The following TRAK1 variants were observed in gnomAD, a reference collection of about 807,000 sequenced individuals.
TRAK1 encodes the protein trafficking kinesin protein 1.
A neutral mutation model predicts 92.1 loss-of-function variants in TRAK1; 33 were observed. The observed-to-expected ratio is 0.36, with a 90% CI of 0.27 to 0.48. The LOEUF (loss-of-function observed/expected upper bound fraction) is 0.48, where lower values mean the gene tolerates loss of function less well. TRAK1 is among the 20% of genes least tolerant of loss of function. The pLI is 0.99. For synonymous variants in TRAK1, 521 were observed against 517.3 expected (o/e 1.01, Z -0.10); for missense variants, 1,123 against 1,257.9 (o/e 0.89, Z 1.62).
chr3:42,060,017 A>G (rs1351687877), intron 1 of TRAK1, among the ~76,000 whole-genome samples: 2 of 152,264 alleles, frequency 1.3e-5, no homozygotes, highest in East Asian at 1.9e-4. Flanking sequence ...TTCCCCCTGC[A>G]TAAGAAATGT....
chr3:42,160,443 C>T (rs1259118224), intron 2 of TRAK1: 3 of 1,614,182 alleles, frequency 1.9e-6, no homozygotes, highest in Non-Finnish European at 2.5e-6. Context: ...AACCCACAGG[C>T]AGCATGACAC....
chr3:42,122,084 C>T (rs1289893984), intron 1 of TRAK1, among the ~76,000 whole-genome samples: 1 of 152,156 alleles, frequency 6.6e-6, no homozygotes, highest in Non-Finnish European at 1.5e-5. Context: ...TCCCAAAGTG[C>T]TGGGATTACA....
At chr3:42,014,777 C>A (rs1480989778) in intron 1 of TRAK1, among the ~76,000 whole-genome samples, 1 of 151,436 alleles carries the variant, frequency 6.6e-6, no homozygotes, top group East Asian at 2.0e-4. Flanking sequence ...GCTTTGAGAG[C>A]CTTCAGAGTA....
chr3:42,159,208 A>T (rs1175586132), intron 2 of TRAK1, among the ~76,000 whole-genome samples: 1 of 152,084 alleles, frequency 6.6e-6, no homozygotes, highest in African/African-American at 2.4e-5. Flanking sequence ...TGTGTAGAAA[A>T]TTGTTTTATG....
chr3:42,170,211 G>A (rs1270644491), intron 2 of TRAK1, among the ~76,000 whole-genome samples: 2 of 152,190 alleles, frequency 1.3e-5, no homozygotes, highest in Non-Finnish European at 1.5e-5. Flanking sequence ...GACTAATTAA[G>A]TTCAAAAGCT....
At chr3:42,050,504 GC>G (rs1702936879) in intron 1 of TRAK1, among the ~76,000 whole-genome samples, 1 of 152,040 alleles carries the variant, frequency 6.6e-6, no homozygotes, top group African/African-American at 2.4e-5. Flanking sequence ...AGAGTTCATC[GC>G]TTTTCCTTGG....
At chr3:42,063,589 G>A (rs112138016) in intron 1 of TRAK1, among the ~76,000 whole-genome samples, 4,145 of 152,160 alleles carry the variant, frequency 0.027, 221 homozygotes, top group African/African-American at 0.095. Flanking sequence ...GGGAGGCTGA[G>A]GTGGGATGAT....
intron 1 of TRAK1, among the ~76,000 whole-genome samples, chr3:42,054,983 C>T (rs567483381): frequency 1.5e-5 from 2 of 129,282 alleles, no homozygotes; most frequent in African/African-American, 6.0e-5. Flanking sequence ...TACAGTGGCG[C>T]GATCTGGCTT....
At chr3:42,027,537 TA>T (rs909314472) in intron 1 of TRAK1, among the ~76,000 whole-genome samples, 1 of 150,630 alleles carries the variant, frequency 6.6e-6, no homozygotes, top group Non-Finnish European at 1.5e-5. Flanking sequence ...AAAAAAAAAG[TA>T]AAGCTTTTCT....
chr3:42,180,373 C>T (rs192232305), intron 3 of TRAK1, among the ~76,000 whole-genome samples: 1 of 152,216 alleles, frequency 6.6e-6, no homozygotes, highest in African/African-American at 2.4e-5. Context: ...TGGCTCACAC[C>T]TGTAATCCAG....
chr3:42,028,079 G>A (rs934848618), intron 1 of TRAK1, among the ~76,000 whole-genome samples: 1 of 152,104 alleles, frequency 6.6e-6, no homozygotes, highest in African/African-American at 2.4e-5. Context: ...TCAAACTCCC[G>A]ACCTCAGGTG....
At chr3:42,043,763 CCCACCCCACCCCCCCG>C (rs1702648054) in intron 1 of TRAK1, among the ~76,000 whole-genome samples, 1 of 142,138 alleles carries the variant, frequency 7.0e-6, no homozygotes, top group Non-Finnish European at 1.5e-5. Context: ...GATGACAGGA[CCCACCCCACCCCCCCG>C]CCACCCCAAC....
At position 42,097,094 on chromosome 3, in the gene TRAK1, A is replaced by C. The variant is rs553312805; in HGVS notation, c.91+5534A>C. On this transcript the variant is annotated intron_variant, in intron 1 of 15. Coordinates refer to ENST00000327628, the MANE Select transcript of TRAK1 (RefSeq NM_001042646.3). The stretch of plus-strand genomic sequence containing the variant: ...ACACACGGGAACATATACTAAACAT[A>C]TTGTTGCCTTTTCTCCTCAGTAATC... Among the ~76,000 whole-genome samples, 29 of 152,276 alleles carry C rather than the reference A, an allele frequency of 1.9e-4. No individual in the cohort carries two copies. In the East Asian group the frequency reaches 5.4e-3, roughly 28 times the overall value.
intron 2 of TRAK1, chr3:42,151,302 C>G (rs1435612369): frequency 2.2e-6 from 1 of 455,926 alleles, no homozygotes. Context: ...CTGCTCTTAT[C>G]TGGGTATCCA....
rs1242624412 is a variant in TRAK1, at chr3:42,013,819, G to C, written c.-817G>C. On this transcript the variant is annotated 5_prime_UTR_variant, in exon 1 of 17. Transcript: ENST00000487159. This position sits in a 1 kb window ranked among gnomAD's most constrained non-coding sequence, Gnocchi z 5.1. ...CGTCCCCCAGAGTGGGGCCGCGCGCGGGAGAGCCGGAGCGCAGCCTTAGCG... is the reference window on the plus strand; with the variant it reads ...CGTCCCCCAGAGTGGGGCCGCGCGCCGGAGAGCCGGAGCGCAGCCTTAGCG... The C allele has an allele frequency of 6.7e-6, 1 of 150,318 alleles. No individual in the cohort carries two copies. Among genetic ancestry groups the C allele is most frequent in the Non-Finnish European group, 1.5e-5 (1 of 67,088 alleles). The allele number at this position is 150,318 out of a possible 1,614,324, so 9.3% of individuals were successfully genotyped here. A position where few individuals can be genotyped will look rare whatever the true frequency, so the allele number is the denominator to read the frequency against.
chr3:42,218,204 G>A (rs1485592022), intron 14 of TRAK1: 14 of 985,144 alleles, frequency 1.4e-5, no homozygotes, highest in Non-Finnish European at 1.6e-5. Flanking sequence ...TTGTGTCATC[G>A]GGTTCCTGGT....
chr3:42,193,050 C>T, intron 7 of TRAK1, 25 bp from the exon 8 acceptor site: 2 of 1,612,548 alleles, frequency 1.2e-6, no homozygotes, highest in Non-Finnish European at 1.7e-6. Context: ...GACTTCCTCT[C>T]CTGATTGTTG....
At chr3:42,211,084 T>G (rs1708976597) in intron 14 of TRAK1, 1 of 985,354 alleles carries the variant, frequency 1.0e-6, no homozygotes, top group South Asian at 4.7e-5. Flanking sequence ...AACCCTGTGT[T>G]GTCATCCTCA....
At chr3:42,126,600 T>TA (rs1188298380) in intron 2 of TRAK1, among the ~76,000 whole-genome samples, 2 of 152,216 alleles carry the variant, frequency 1.3e-5, no homozygotes, top group Non-Finnish European at 2.9e-5. Flanking sequence ...TTTAAAAACT[T>TA]ATGGCAGCCA....
Sources: allele counts gnomAD v4.1 joint callset (sites outside exome capture counted in the v4.1 genomes callset), GRCh38; gene constraint gnomAD v4.1.1; non-coding constraint Gnocchi (gnomAD v3.1); transcripts MANE v1.5; gene names NCBI Gene and HGNC (gene_info 2026-07-23, HGNC 2026-07-21).